SLC34A3: variants seen among roughly 807,000 people sequenced by gnomAD.
SLC34A3 encodes the protein solute carrier family 34 member 3.
A neutral mutation model predicts 43.9 loss-of-function variants in SLC34A3; 60 were observed. The observed-to-expected ratio is 1.37, with a 90% CI of 1.11 to 1.70. SLC34A3 has a LOEUF of 1.70. SLC34A3 is among the 40% of genes most tolerant of loss of function. The pLI is 0.00. For missense variants in SLC34A3, 969 were observed against 823.8 expected (o/e 1.18, Z -2.16); for synonymous variants, 451 against 386.2 (o/e 1.17, Z -1.97).
intron 8 of SLC34A3, 57 bp downstream of exon 8, chr9:137,233,779 T>TTGGGGCCCCCCCCCCCCCCCC: frequency 1.4e-6 from 2 of 1,445,752 alleles, no homozygotes; most frequent in Non-Finnish European, 1.9e-6. Context: ...TGCTGAGTCA[T>TTGGGGCCCCCCCCCCCCCCCC]CCCGCCCCAC....
rs369493516 is a variant in SLC34A3, at chr9:137,232,021, G to A, written c.86-51G>A. The stretch of plus-strand genomic sequence containing the variant: ...TCCGGCCTGTGCCCTTGTGCCCCCA[G>A]TTGGAGGGAGGTGGTCCTGGAAACA... On this transcript the variant is annotated intron_variant, in intron 2 of 12. Transcript: ENST00000673835. 3.2e-6 allele frequency: 5 copies of A among 1,565,412 alleles called. No individual in the cohort carries two copies. In the African/African-American group the frequency reaches 5.4e-5, roughly 17 times the overall value.
chr9:137,234,008 G>A lies in SLC34A3; in HGVS notation c.925+67G>A, dbSNP rs1434648591. 7 of 1,500,344 alleles carry A rather than the reference G, an allele frequency of 4.7e-6. No individual in the cohort carries two copies. In the African/African-American group the frequency reaches 5.7e-5, roughly 12 times the overall value. The allele number at this position is 1,500,344 out of a possible 1,614,324, so 92.9% of individuals were successfully genotyped here. On this transcript the variant is annotated intron_variant, in intron 9 of 12. Transcript: ENST00000673835. The surrounding 1 kb of genome is among the most constrained non-coding windows in gnomAD (Gnocchi z 6.9). The stretch of plus-strand genomic sequence containing the variant: ...TCCCCCTCACCGGCCCCTACATGGA[G>A]AGGAACAGCACAGCCCCGGCGGACA...
At chr9:137,233,778 A>ACCCCCCCCCCCCCCCCCC in intron 8 of SLC34A3, 56 bp downstream of exon 8, 5 of 1,485,058 alleles carry the variant, frequency 3.4e-6, no homozygotes, top group African/African-American at 1.4e-5. Flanking sequence ...CTGCTGAGTC[A>ACCCCCCCCCCCCCCCCCC]TCCCGCCCCA....
At chr9:137,235,003 A>C (rs1283518282) in intron 12 of SLC34A3, among the ~76,000 whole-genome samples, 1 of 151,914 alleles carries the variant, frequency 6.6e-6, no homozygotes, top group Non-Finnish European at 1.5e-5. Context: ...GCCTGCCCCC[A>C]GCATCTCAGG....
chr9:137,234,430 C>A lies in SLC34A3; in HGVS notation c.1108C>A (p.Leu370Met), dbSNP rs1464027962. ...ATCCCCCACAGACTTCCCCTTCCCGCTGGGCTGGCTCGGCGGCTACCTGGC... is the reference window on the plus strand; with the variant it reads ...ATCCCCCACAGACTTCCCCTTCCCGATGGGCTGGCTCGGCGGCTACCTGGC... ...TVINADFPFP[L>M]GWLGGYLAVL... The change falls in exon 11 of 13, where the codon CTG becomes ATG. Residue 370 changes from leucine (L) to methionine (M), a missense_variant. Transcript: ENST00000673835. The surrounding 1 kb of genome is among the most constrained non-coding windows in gnomAD (Gnocchi z 6.9). The A allele has an allele frequency of 6.3e-7, 1 of 1,599,046 alleles. No homozygotes were observed.
rs148095831 is a variant in SLC34A3, at chr9:137,236,089, C to A, written c.1473C>A (p.Tyr491Ter). The change falls in exon 13 of 13, where the codon TAC becomes TAA. Residue 491 changes from tyrosine to a stop codon, truncating the protein, a stop_gained. Transcript: ENST00000673835. LOFTEE classifies it low-confidence loss of function (END_TRUNC). ...TARYRWVAGVYLLLGFLLLPL... is the reference protein window; with the variant it reads ...TARYRWVAGV ...GTTACCGCTGGGTGGCTGGGGTCTACCTGCTGCTCGGATTCCTGCTGCTGC... is the reference window on the plus strand; with the variant it reads ...GTTACCGCTGGGTGGCTGGGGTCTAACTGCTGCTCGGATTCCTGCTGCTGC... 1 of 1,612,196 alleles carries A rather than the reference C, an allele frequency of 6.2e-7. No homozygotes were observed. Among genetic ancestry groups the A allele is most frequent in the Non-Finnish European group, 8.5e-7 (1 of 1,179,840 alleles).
Position 137,233,336 on chromosome 9 carries a change from A to C in SLC34A3, c.688A>C (p.Thr230Pro), listed in dbSNP as rs200507464. ...SELALGAASLTPRAQAPDILK... is the reference protein window; with the variant it reads ...SELALGAASLPPRAQAPDILK... ...GCTAGCCCTGGGTGCCGCCAGCCTG[A>C]CACCCAGGGCGCAGGCGCCCGACAT... Residue 230 changes from threonine to proline, a missense_variant, in exon 7 of 13, where the codon ACA becomes CCA. Coordinates refer to ENST00000673835, the MANE Select transcript of SLC34A3 (RefSeq NM_001177316.2). 1.6e-4 allele frequency: 261 copies of C among 1,604,582 alleles called. No individual in the cohort carries two copies. The highest frequency in any genetic ancestry group is 3.7e-4 in the South Asian group (33 of 89,900).
At chr9:137,230,679 C>T (rs544846038), upstream of SLC34A3, 3 of 152,380 alleles carry the variant, frequency 2.0e-5, no homozygotes, top group Admixed American at 6.5e-5. Flanking sequence ...CGGCCTGATT[C>T]AGAGCCCACC....
intron 12 of SLC34A3, among the ~76,000 whole-genome samples, chr9:137,235,020 T>G (rs1310025144): frequency 6.6e-6 from 1 of 152,178 alleles, no homozygotes; most frequent in African/African-American, 2.4e-5. Context: ...CAGGGGGCTC[T>G]AAGCCCCTCT....
chr9:137,236,123 G>A lies in SLC34A3; in HGVS notation c.1507G>A (p.Ala503Thr), dbSNP rs772583230. The change falls in exon 13 of 13, where the codon GCC (alanine) becomes ACC (threonine). Residue 503 changes from alanine to threonine, a missense_variant. Coordinates refer to ENST00000673835, the MANE Select transcript of SLC34A3 (RefSeq NM_001177316.2). ...LLGFLLLPLA[A>T]FGLSLAGGME... The stretch of plus-strand genomic sequence containing the variant: ...CGGATTCCTGCTGCTGCCCCTGGCG[G>A]CCTTCGGGCTCTCCCTGGCAGGGGG... 6.2e-7 allele frequency: 1 copy of A among 1,611,300 alleles called. No homozygotes were observed. Among genetic ancestry groups the A allele is most frequent in the African/African-American group, 1.3e-5 (1 of 75,020 alleles).
chr9:137,233,089 G>A lies in SLC34A3; in HGVS notation c.534G>A (p.Gln178=), dbSNP rs746236588. 1.2e-6 allele frequency: 2 copies of A among 1,611,164 alleles called. No homozygotes were observed. The highest frequency in any genetic ancestry group is 2.2e-5 in the South Asian group (2 of 90,994). Residue 178 remains glutamine, a synonymous_variant, in exon 6 of 13, where the codon CAG becomes CAA. Transcript: ENST00000673835. ...SITSTLVSMA[Q]SGDRDEFQRA... Reference sequence around the variant, plus strand: ...CCAGCACCCTGGTCTCAATGGCGCAGTCAGGGGACCGGGATGAATTTCAGA... The same window carrying A: ...CCAGCACCCTGGTCTCAATGGCGCAATCAGGGGACCGGGATGAATTTCAGA...
chr9:137,235,918 G>A (rs1173958650), intron 12 of SLC34A3, 34 bp from the exon 13 acceptor site: 3 of 1,602,908 alleles, frequency 1.9e-6, no homozygotes, highest in African/African-American at 2.7e-5. Context: ...CCACCTCGTT[G>A]GGCCCAGGCC....
Position 137,236,425 on chromosome 9 carries a change from T to G in SLC34A3, c.*9T>G. ...CCTCCCAGCAGTTGTGACGGGCAGTTGCTGAGCAGACCGCCCCACCCTCCC... is the reference window on the plus strand; with the variant it reads ...CCTCCCAGCAGTTGTGACGGGCAGTGGCTGAGCAGACCGCCCCACCCTCCC... On this transcript the variant is annotated 3_prime_UTR_variant, in exon 13 of 13. Transcript: ENST00000673835. 1 of 1,535,534 alleles carries G rather than the reference T, an allele frequency of 6.5e-7. No homozygotes were observed. Among genetic ancestry groups the G allele is most frequent in the Non-Finnish European group, 8.7e-7 (1 of 1,145,878 alleles).
rs144208635 is a variant in SLC34A3 at position 137,231,741 on chromosome 9, C to G, written c.39C>G (p.Pro13=). ...SSLPGSQVPH[P]TLDAVDLVEK... ...TTCCCGGCAGCCAGGTCCCCCACCC[C>G]ACTCTGGACGCGGTTGACCTAGTGG... Residue 13 remains proline (P), a synonymous_variant, in exon 2 of 13, where the codon CCC becomes CCG. Transcript: ENST00000673835. 9 of 1,613,094 alleles carry G rather than the reference C, an allele frequency of 5.6e-6. No individual in the cohort carries two copies. The highest frequency in any genetic ancestry group is 5.0e-5 in the Admixed American group (3 of 60,004).
intron 2 of SLC34A3, 40 bp from the exon 3 acceptor site, chr9:137,232,032 G>A (rs1836250510): frequency 1.3e-6 from 2 of 1,588,304 alleles, no homozygotes; most frequent in African/African-American, 1.3e-5. Context: ...TTGGAGGGAG[G>A]TGGTCCTGGA....
In SLC34A3 at chr9:137,236,418, G is replaced by C. The variant is rs375926461; in HGVS notation, c.*2G>C. The C allele has an allele frequency of 9.8e-6, 15 of 1,536,208 alleles. No homozygotes were observed. Among genetic ancestry groups the C allele is most frequent in the Non-Finnish European group, 1.2e-5 (14 of 1,146,418 alleles). On this transcript the variant is annotated 3_prime_UTR_variant, in exon 13 of 13. Coordinates refer to ENST00000673835, the MANE Select transcript of SLC34A3 (RefSeq NM_001177316.2). ...ATCTTGGCCTCCCAGCAGTTGTGAC[G>C]GGCAGTTGCTGAGCAGACCGCCCCA...
rs550877277 is a variant in SLC34A3 at position 137,234,429 on chromosome 9, G to T, written c.1107G>T (p.Pro369=). Residue 369 remains proline, a synonymous_variant, in exon 11 of 13, where the codon CCG becomes CCT. Coordinates refer to ENST00000673835, the MANE Select transcript of SLC34A3 (RefSeq NM_001177316.2). This position sits in a 1 kb window ranked among gnomAD's most constrained non-coding sequence, Gnocchi z 6.9. The stretch of plus-strand genomic sequence containing the variant: ...CATCCCCCACAGACTTCCCCTTCCC[G>T]CTGGGCTGGCTCGGCGGCTACCTGG... ...RTVINADFPF[P]LGWLGGYLAV... The T allele has an allele frequency of 6.3e-7, 1 of 1,598,726 alleles. No homozygotes were observed. The highest frequency in any genetic ancestry group is 1.1e-5 in the South Asian group (1 of 90,924).
chr9:137,233,438 T>G, intron 7 of SLC34A3, 34 bp downstream of exon 7: 1 of 1,590,844 alleles, frequency 6.3e-7, no homozygotes. Context: ...CCAGAGAGCC[T>G]GAGCAGGCCG....
intron 8 of SLC34A3, 57 bp downstream of exon 8, chr9:137,233,779 T>TTGGCG: frequency 7.6e-6 from 11 of 1,445,714 alleles, no homozygotes; most frequent in South Asian, 1.2e-5. Context: ...TGCTGAGTCA[T>TTGGCG]CCCGCCCCAC....
Sources: allele counts gnomAD v4.1 joint callset (sites outside exome capture counted in the v4.1 genomes callset), GRCh38; gene constraint gnomAD v4.1.1; non-coding constraint Gnocchi (gnomAD v3.1); transcripts MANE v1.5; gene names NCBI Gene and HGNC (gene_info 2026-07-23, HGNC 2026-07-21).